USO1: variants seen among roughly 807,000 people sequenced by gnomAD.
The protein encoded by USO1 is USO1 vesicle transport factor.
A neutral mutation model predicts 124.5 loss-of-function variants in USO1; 57 were observed. That is an observed-to-expected ratio of 0.46 (90% CI 0.37 to 0.57). The LOEUF is 0.57. Ranked by LOEUF, USO1 falls within the 20% of genes least tolerant of loss-of-function variation. The pLI is 0.00. For synonymous variants in USO1, 369 were observed against 362.8 expected, an observed-to-expected ratio of 1.02 and a Z score of -0.19; for missense variants, 900 against 1,040.6, an observed-to-expected ratio of 0.86 and a Z score of 1.86.
intron 3 of USO1, among the ~76,000 whole-genome samples, chr4:75,753,785 T>TC (rs1379051534): frequency 6.7e-5 from 10 of 149,576 alleles, no homozygotes; most frequent in Admixed American, 4.7e-4. Flanking sequence ...TTTCAATTTT[T>TC]TTTTTTTTTT....
rs188161465 is a variant in USO1, at chr4:75,771,394, G to A, written c.555+257G>A. On this transcript the variant is annotated intron_variant, in intron 7 of 23. Transcript: ENST00000514213. The stretch of plus-strand genomic sequence containing the variant: ...GGATTACAGACATGAGCCACTGAGC[G>A]TGGCTGGAGTAATGACCTTTTAAAG... Among the ~76,000 whole-genome samples, 7 of 152,270 alleles carry A rather than the reference G, an allele frequency of 4.6e-5. No homozygotes were observed. In the South Asian group the frequency reaches 8.3e-4, roughly 18 times the overall value.
At chr4:75,771,872 A>G (rs2149168397) in intron 7 of USO1, among the ~76,000 whole-genome samples, 1 of 152,364 alleles carries the variant, frequency 6.6e-6, no homozygotes, top group South Asian at 2.1e-4. Context: ...TAAAATAGCA[A>G]TTAGAAAAAT....
intron 23 of USO1, among the ~76,000 whole-genome samples, chr4:75,812,757 C>G (rs141053738): frequency 2.0e-4 from 30 of 152,276 alleles, no homozygotes; most frequent in African/African-American, 7.2e-4. Context: ...TTAGAAATGA[C>G]AGAGAGCCTT....
chr4:75,752,774 C>T (rs1721327827), intron 3 of USO1, among the ~76,000 whole-genome samples, 170 bp downstream of exon 3: 1 of 152,156 alleles, frequency 6.6e-6, no homozygotes, highest in Non-Finnish European at 1.5e-5. Context: ...GATCTGCCCA[C>T]CTCGGCCTCC....
At chr4:75,790,832 G>T in intron 12 of USO1, 35 bp downstream of exon 12, 3 of 1,495,192 alleles carry the variant, frequency 2.0e-6, no homozygotes, top group Non-Finnish European at 8.9e-7. Flanking sequence ...ATTTGAAAAA[G>T]TAAATCATTG....
chr4:75,724,792 C>T lies in USO1; in HGVS notation c.-28C>T. 6.2e-7 allele frequency: 1 copy of T among 1,612,902 alleles called. No individual in the cohort carries two copies. The highest frequency in any genetic ancestry group is 8.5e-7 in the Non-Finnish European group (1 of 1,179,254). ...TTGTCTTCTTTTTTTTCCGGAGGGG[C>T]CGGTAAACCTGGTGGCTGAACGGCA... On this transcript the variant is annotated 5_prime_UTR_variant, in exon 1 of 24. Transcript: ENST00000514213.
intron 21 of USO1, among the ~76,000 whole-genome samples, chr4:75,809,964 A>G (rs545484166): frequency 1.3e-5 from 2 of 152,348 alleles, no homozygotes; most frequent in East Asian, 3.9e-4. Context: ...AAAAAAGACA[A>G]GGAAAGACTG....
intron 9 of USO1, among the ~76,000 whole-genome samples, chr4:75,783,339 C>G (rs1722275268): frequency 6.6e-6 from 1 of 152,152 alleles, no homozygotes; most frequent in African/African-American, 2.4e-5. Context: ...GATGATTAGT[C>G]TGAGTTTTAA....
chr4:75,728,568 G>A lies in USO1; in HGVS notation c.66+3683G>A, dbSNP rs576399860. On this transcript the variant is annotated intron_variant, in intron 1 of 23. Transcript: ENST00000514213. ...AGGAGGCTGAGGCAGGAGAATCGAGGCGGTGGTTGGCAGTGAGCAACCACT... is the reference window on the plus strand; with the variant it reads ...AGGAGGCTGAGGCAGGAGAATCGAGACGGTGGTTGGCAGTGAGCAACCACT... 2.6e-5 allele frequency among the ~76,000 whole-genome samples: 4 copies of A among 152,244 alleles called. No individual in the cohort carries two copies. In the East Asian group the frequency reaches 7.8e-4, roughly 30 times the overall value.
At chr4:75,744,677 C>T (rs1462964564) in intron 1 of USO1, among the ~76,000 whole-genome samples, 3 of 152,222 alleles carry the variant, frequency 2.0e-5, no homozygotes, top group African/African-American at 7.2e-5. Flanking sequence ...GCCTTGGCCT[C>T]CCAAAGTGCT....
chr4:75,812,053 A>G, intron 22 of USO1, 107 bp from the exon 23 acceptor site: 2 of 1,491,532 alleles, frequency 1.3e-6, no homozygotes, highest in Non-Finnish European at 1.8e-6. Context: ...TAAATTCCTT[A>G]GGTTGAACAA....
chr4:75,800,038 G>A (rs1389429932), intron 14 of USO1, among the ~76,000 whole-genome samples: 1 of 151,622 alleles, frequency 6.6e-6, no homozygotes, highest in Admixed American at 6.6e-5. Context: ...CCGCCTCCCA[G>A]GTTCAAGCAA....
chr4:75,787,239 T>G (rs1362900665), intron 10 of USO1, 37 bp downstream of exon 10: 1 of 1,423,152 alleles, frequency 7.0e-7, no homozygotes, highest in South Asian at 1.7e-5. Flanking sequence ...TCTGTGGAAG[T>G]TGAAATCCTG....
At chr4:75,804,979 C>A in intron 18 of USO1, 161 bp from the exon 19 acceptor site, 1 of 867,304 alleles carries the variant, frequency 1.2e-6, no homozygotes, top group Non-Finnish European at 1.6e-6. Flanking sequence ...ACTATCAGTT[C>A]ACTATTTTTA....
At chr4:75,810,858 G>A (rs557451217) in intron 22 of USO1, among the ~76,000 whole-genome samples, 7 of 152,204 alleles carry the variant, frequency 4.6e-5, no homozygotes, top group Middle Eastern at 3.4e-3. Flanking sequence ...AACCTACTGA[G>A]TAGCTGGGAC....
chr4:75,795,285 C>A, intron 13 of USO1: 1 of 697,850 alleles, frequency 1.4e-6, no homozygotes, highest in Admixed American at 2.0e-5. Context: ...CAGATTTAGA[C>A]TTTTCTAAAG....
rs1431814389 is a variant in USO1 at position 75,752,647 on chromosome 4, AC to A, written c.218+44del. ...GATTTTTTTCCCTAATTTTTCTTGA[AC>A]TTTTGTTTTAGAGTCAGCATCACTA... is the stretch of plus-strand genomic sequence containing the variant. On this transcript the variant is annotated intron_variant, in intron 3 of 23. Coordinates refer to ENST00000514213, the MANE Select transcript of USO1 (RefSeq NM_003715.4). 1.3e-5 allele frequency: 5 copies of A among 398,050 alleles called. No individual in the cohort carries two copies. The South Asian group carries it at 3.9e-4, about 31-fold the overall frequency. The allele number at this position is 398,050 out of a possible 1,614,324, so 24.7% of individuals were successfully genotyped here.
chr4:75,734,230 C>T (rs1490952729), intron 1 of USO1, among the ~76,000 whole-genome samples: 1 of 152,128 alleles, frequency 6.6e-6, no homozygotes, highest in Non-Finnish European at 1.5e-5. Flanking sequence ...AGGCGTAAGC[C>T]ACCATGCCCA....
In USO1 at chr4:75,790,131, T is replaced by G; in HGVS notation, c.997-19T>G. The G allele has an allele frequency of 3.2e-6, 5 of 1,552,924 alleles. No individual in the cohort carries two copies. The highest frequency in any genetic ancestry group is 2.0e-5 in the Admixed American group (1 of 49,818). ...ACTTAATTTCTCTAAATGTTCTTTT[T>G]CTTTCTTCCCCTTAACAGACCATAA... On this transcript the variant is annotated intron_variant, in intron 10 of 23. Coordinates refer to ENST00000514213, the MANE Select transcript of USO1 (RefSeq NM_003715.4).
Sources: allele counts gnomAD v4.1 joint callset (sites outside exome capture counted in the v4.1 genomes callset), GRCh38; gene constraint gnomAD v4.1.1; transcripts MANE v1.5; gene names NCBI Gene and HGNC (gene_info 2026-07-23, HGNC 2026-07-21).